The following STIM1 variants were observed in gnomAD, a reference collection of about 807,000 sequenced individuals.
STIM1 encodes the protein stromal interaction molecule 1.
STIM1 carries 25 observed loss-of-function variants against 74.7 expected under a neutral mutation model. The observed-to-expected ratio is 0.33, with a 90% CI of 0.24 to 0.47. STIM1 has a LOEUF of 0.47. Ranked by LOEUF, STIM1 falls within the 20% of genes least tolerant of loss-of-function variation. The probability of loss-of-function intolerance (pLI) is 1.00; values close to 1 mark genes in which losing one functional copy is unlikely to be tolerated. For missense variants in STIM1, 728 were observed against 920.8 expected, an observed-to-expected ratio of 0.79 and a Z score of 2.71; for synonymous variants, 328 against 348.8, an observed-to-expected ratio of 0.94 and a Z score of 0.66.
chr11:3,889,337 G>A (rs1465178516), intron 1 of STIM1, among the ~76,000 whole-genome samples: 1 of 151,448 alleles, frequency 6.6e-6, no homozygotes, highest in Non-Finnish European at 1.5e-5. Context: ...TATGTGCCAA[G>A]TACTGTGTTA....
intron 5 of STIM1, among the ~76,000 whole-genome samples, chr11:4,061,836 G>A (rs2094333139): frequency 6.6e-6 from 1 of 152,188 alleles, no homozygotes; most frequent in South Asian, 2.1e-4. Flanking sequence ...ATGCTACAAT[G>A]TGGATGAACC....
At chr11:3,928,895 C>G (rs749655612) in intron 1 of STIM1, among the ~76,000 whole-genome samples, 33 of 152,252 alleles carry the variant, frequency 2.2e-4, no homozygotes, top group Non-Finnish European at 4.1e-4. Flanking sequence ...GAGACAGACT[C>G]TCACTCACTC....
At chr11:3,907,750 C>G (rs914135108) in intron 1 of STIM1, among the ~76,000 whole-genome samples, 9 of 152,154 alleles carry the variant, frequency 5.9e-5, no homozygotes, top group African/African-American at 2.2e-4. Flanking sequence ...GACTTGGCTC[C>G]CAGTTACTGT....
At chr11:3,888,724 G>A (rs2091806662) in intron 1 of STIM1, among the ~76,000 whole-genome samples, 1 of 152,000 alleles carries the variant, frequency 6.6e-6, no homozygotes, top group South Asian at 2.1e-4. Flanking sequence ...CTGACTTTTT[G>A]TATTTTTAGT....
At chr11:3,922,673 G>T in intron 1 of STIM1, 1 of 195,892 alleles carries the variant, frequency 5.1e-6, no homozygotes, top group Non-Finnish European at 1.1e-5. Context: ...TTGCTCGGTA[G>T]CTGGTGATTG....
At chr11:3,862,408 A>G (rs1235228333) in intron 1 of STIM1, among the ~76,000 whole-genome samples, 1 of 151,948 alleles carries the variant, frequency 6.6e-6, no homozygotes, top group Non-Finnish European at 1.5e-5. Context: ...TCACTTAGAG[A>G]CCCTCTGAGA....
At chr11:4,063,149 T>C (rs1485553028) in intron 5 of STIM1, among the ~76,000 whole-genome samples, 1 of 152,198 alleles carries the variant, frequency 6.6e-6, no homozygotes, top group Non-Finnish European at 1.5e-5. Context: ...CTAATAGATA[T>C]GGCATTTCTT....
At chr11:4,002,170 C>T (rs1220738813) in intron 2 of STIM1, among the ~76,000 whole-genome samples, 7 of 147,036 alleles carry the variant, frequency 4.8e-5, no homozygotes, top group Middle Eastern at 3.5e-3. Context: ...CAACATTAGA[C>T]AGATCAACGA....
intron 1 of STIM1, among the ~76,000 whole-genome samples, chr11:3,921,402 T>G (rs2092715687): frequency 6.6e-6 from 1 of 152,238 alleles, no homozygotes; most frequent in Admixed American, 6.5e-5. Context: ...TAGGGATATG[T>G]AAACACTTCT....
At chr11:3,934,264 C>T (rs1287457070) in intron 1 of STIM1, among the ~76,000 whole-genome samples, 1 of 151,932 alleles carries the variant, frequency 6.6e-6, no homozygotes, top group African/African-American at 2.4e-5. Context: ...TTTGCAGTCT[C>T]ATTTGAGAAG....
intron 1 of STIM1, among the ~76,000 whole-genome samples, chr11:3,884,172 GTTC>G (rs1211915539): frequency 6.6e-6 from 1 of 152,070 alleles, no homozygotes; most frequent in Non-Finnish European, 1.5e-5. Context: ...GAAGTCTTGG[GTTC>G]TTCTTCTATC....
rs1311168030 is a variant in STIM1 at position 3,985,508 on chromosome 11, G to A, written c.270+17826G>A. On this transcript the variant is annotated intron_variant, in intron 2 of 12. Coordinates refer to ENST00000526596, the MANE Select transcript of STIM1 (RefSeq NM_001382567.1). ...CATAAATGAGGTTGAGGATCAAGGA[G>A]CAGGTTAGGGACAAAGGGTTTGGCC... Among the ~76,000 whole-genome samples, 3 of 152,290 alleles carry A rather than the reference G, an allele frequency of 2.0e-5. No homozygotes were observed. The East Asian group carries it at 5.8e-4, about 29-fold the overall frequency.
chr11:3,989,319 G>C (rs199635536), intron 2 of STIM1: 71 of 922,972 alleles, frequency 7.7e-5, no homozygotes, highest in Non-Finnish European at 1.2e-4. Flanking sequence ...GCACTTGTTT[G>C]TCTGAAGATT....
chr11:3,944,062 C>T (rs913927526), intron 1 of STIM1, among the ~76,000 whole-genome samples: 1 of 152,084 alleles, frequency 6.6e-6, no homozygotes, highest in African/African-American at 2.4e-5. Context: ...AGTGAATGAA[C>T]AGATGAATTA....
chr11:3,920,107 C>G (rs2092698979), intron 1 of STIM1, among the ~76,000 whole-genome samples: 1 of 134,882 alleles, frequency 7.4e-6, no homozygotes, highest in African/African-American at 2.7e-5. Context: ...TTCCATAAAA[C>G]TTATTATTTT....
intron 5 of STIM1, among the ~76,000 whole-genome samples, chr11:4,060,013 TG>T (rs2094319691): frequency 6.6e-6 from 1 of 152,196 alleles, no homozygotes; most frequent in African/African-American, 2.4e-5. Context: ...GTAGAGTGCA[TG>T]AACTGATTAA....
chr11:3,918,330 A>G (rs552987166), intron 1 of STIM1, among the ~76,000 whole-genome samples: 1 of 152,128 alleles, frequency 6.6e-6, no homozygotes, highest in Non-Finnish European at 1.5e-5. Flanking sequence ...CAGCCTGGGT[A>G]ACATGAGGAA....
In STIM1 at chr11:3,892,957, A is replaced by T; in HGVS notation, c.139+36548A>T. On this transcript the variant is annotated intron_variant, in intron 1 of 12. Transcript: ENST00000526596. ...CTTTTATGTTTTATTTTTAATAGAGATGGGGTTTTGCCATGTTGCCCAGGC... is the reference window on the plus strand; with the variant it reads ...CTTTTATGTTTTATTTTTAATAGAGTTGGGGTTTTGCCATGTTGCCCAGGC... 5 of 972,256 alleles carry T rather than the reference A, an allele frequency of 5.1e-6. No individual in the cohort carries two copies. In the South Asian group the frequency reaches 5.9e-5, roughly 11 times the overall value. 60.2% of individuals were successfully genotyped at this position (972,256 alleles called of 1,614,324 possible). A position where few individuals can be genotyped will look rare whatever the true frequency, so the allele number is the denominator to read the frequency against.
chr11:4,084,820 A>G (rs970381057), intron 11 of STIM1, 55 bp downstream of exon 11: 10 of 1,260,750 alleles, frequency 7.9e-6, no homozygotes, highest in Non-Finnish European at 1.0e-5. Context: ...GACTAAATCA[A>G]CACTCTTACC....
Sources: allele counts gnomAD v4.1 joint callset (sites outside exome capture counted in the v4.1 genomes callset), GRCh38; gene constraint gnomAD v4.1.1; transcripts MANE v1.5; gene names NCBI Gene and HGNC (gene_info 2026-07-23, HGNC 2026-07-21).